The following COL24A1 variants were observed in gnomAD, a reference collection of about 807,000 sequenced individuals.
COL24A1 encodes collagen type XXIV alpha 1 chain.
In COL24A1, 224 loss-of-function variants were observed where a neutral mutation model predicts 253.9. The observed-to-expected ratio is 0.88, with a 90% CI of 0.79 to 0.99. COL24A1 has a LOEUF of 0.99. Among genes scored for constraint, COL24A1 ranks in the 50% least tolerant of loss-of-function variants. The pLI, the probability that COL24A1 is intolerant of heterozygous loss-of-function variation, is 0.00. For missense variants in COL24A1, 2,131 were observed against 2,068.5 expected (o/e 1.03, Z -0.59); for synonymous variants, 685 against 673.7 (o/e 1.02, Z -0.26).
chr1:86,095,891 A>C (rs1174135183), intron 5 of COL24A1, among the ~76,000 whole-genome samples: 1 of 152,102 alleles, frequency 6.6e-6, no homozygotes, highest in East Asian at 1.9e-4. Context: ...TAAGTCTTTT[A>C]GTCCATTATT....
intron 24 of COL24A1, among the ~76,000 whole-genome samples, chr1:85,951,952 T>G (rs996170058): frequency 2.0e-5 from 3 of 152,220 alleles, no homozygotes; most frequent in African/African-American, 7.2e-5. Flanking sequence ...TTTCAATCAA[T>G]TATTTTTCTT....
At chr1:85,783,366 C>T (rs1669333037) in intron 51 of COL24A1, 130 bp downstream of exon 51, 2 of 700,344 alleles carry the variant, frequency 2.9e-6, no homozygotes, top group Middle Eastern at 2.6e-4. Context: ...TGCATGTGCC[C>T]TTATGAGTTT....
At chr1:85,790,041 G>C (rs1040701520) in intron 47 of COL24A1, among the ~76,000 whole-genome samples, 1 of 152,104 alleles carries the variant, frequency 6.6e-6, no homozygotes, top group African/African-American at 2.4e-5. Flanking sequence ...GCAGGTTTTG[G>C]TATCAGGATG....
rs1648227677 is a variant in COL24A1, at chr1:86,125,992, T to C, written c.344A>G (p.His115Arg). 6.2e-7 allele frequency: 1 copy of C among 1,613,508 alleles called. No homozygotes were observed. The highest frequency in any genetic ancestry group is 1.3e-5 in the African/African-American group (1 of 74,898). Residue 115 changes from histidine to arginine, a missense_variant, in exon 3 of 60, where the codon CAT (histidine) becomes CGT (arginine). By Grantham distance (29) the His-to-Arg change is conservative. Coordinates refer to ENST00000370571, the MANE Select transcript of COL24A1 (RefSeq NM_152890.7). ...GAAGAGAAATGCATTGTTCACCCGA[T>C]GTGACTGTAACCCAGTTAATATTGT... ...PFTILTGLQS[H>R]RVNNAFLFSI...
chr1:86,124,109 T>A lies in COL24A1; in HGVS notation c.1491+736A>T, dbSNP rs1405409761. Among the ~76,000 whole-genome samples the A allele has an allele frequency of 2.0e-5, 3 of 152,126 alleles. No individual in the cohort carries two copies. The East Asian group carries it at 5.8e-4, about 29-fold the overall frequency. On this transcript the variant is annotated intron_variant, in intron 3 of 59. Transcript: ENST00000370571. ...AGTGGTTTTTAAATGATTTTAGAAA[T>A]TTTTAAATGTTGATCTCTAATTCCC...
intron 24 of COL24A1, among the ~76,000 whole-genome samples, chr1:85,950,409 A>T (rs188575448): frequency 1.3e-5 from 2 of 152,238 alleles, no homozygotes; most frequent in South Asian, 4.1e-4. Context: ...TAAGAAAAAA[A>T]TACTGAGCTT....
At chr1:85,999,433 A>G (rs1369677574) in intron 19 of COL24A1, among the ~76,000 whole-genome samples, 1 of 152,042 alleles carries the variant, frequency 6.6e-6, no homozygotes, top group African/African-American at 2.4e-5. Flanking sequence ...CCTGGGTAAC[A>G]CAATGAAAAC....
At position 86,125,267 on chromosome 1, in the gene COL24A1, T is replaced by G; in HGVS notation, c.1069A>C (p.Ser357Arg). The change falls in exon 3 of 60, where the codon AGT (serine) becomes CGT (arginine). Residue 357 changes from serine to arginine, a missense_variant. Transcript: ENST00000370571. ...FSLSVTTHRI[S>R]EAKMNTKEKF... Reference sequence around the variant, plus strand: ...TCTTTGGTATTCATTTTTGCCTCACTGATGCGATGAGTGGTCACTGACAGG... The same window carrying G: ...TCTTTGGTATTCATTTTTGCCTCACGGATGCGATGAGTGGTCACTGACAGG... 6.2e-7 allele frequency: 1 copy of G among 1,613,686 alleles called. No individual in the cohort carries two copies. Among genetic ancestry groups the G allele is most frequent in the Non-Finnish European group, 8.5e-7 (1 of 1,179,800 alleles).
intron 12 of COL24A1, among the ~76,000 whole-genome samples, chr1:86,041,804 G>A (rs1699510013): frequency 6.6e-6 from 1 of 152,096 alleles, no homozygotes; most frequent in African/African-American, 2.4e-5. Context: ...GTTCTATGGT[G>A]TTTAAAGGCT....
intron 2 of COL24A1, among the ~76,000 whole-genome samples, chr1:86,142,705 A>G (rs1432068448): frequency 6.6e-6 from 1 of 152,118 alleles, no homozygotes; most frequent in Non-Finnish European, 1.5e-5. Flanking sequence ...AAGATTTAAT[A>G]TTTAAAAGAT....
At chr1:85,859,643 T>C (rs1298814102) in intron 37 of COL24A1, among the ~76,000 whole-genome samples, 3 of 152,220 alleles carry the variant, frequency 2.0e-5, no homozygotes. Flanking sequence ...GCTAGTAGGC[T>C]GGTTTATTTT....
chr1:86,087,496 T>C (rs2101945581), intron 7 of COL24A1, among the ~76,000 whole-genome samples: 1 of 152,284 alleles, frequency 6.6e-6, no homozygotes, highest in African/African-American at 2.4e-5. Flanking sequence ...TCATATACTC[T>C]TCTATACAAA....
rs200485136 is a variant in COL24A1, at chr1:86,033,940, G to A, written c.1951-17C>T. On this transcript the variant is annotated splice_polypyrimidine_tract_variant and intron_variant, in intron 12 of 59. Coordinates refer to ENST00000370571, the MANE Select transcript of COL24A1 (RefSeq NM_152890.7). The stretch of plus-strand genomic sequence containing the variant: ...TGGAAAACCCTGTCACAGGGAAAGA[G>A]GAAGAATGCCAACATATATAAATAA... 7.2e-5 allele frequency: 114 copies of A among 1,581,036 alleles called. 1 individual carries two copies. The highest frequency in any genetic ancestry group is 7.1e-4 in the East Asian group (31 of 43,432).
chr1:85,784,688 G>A (rs1178521362), intron 48 of COL24A1, among the ~76,000 whole-genome samples: 2 of 151,826 alleles, frequency 1.3e-5, no homozygotes, highest in East Asian at 3.9e-4. Context: ...TGGTATGTGT[G>A]GGTGTGTTTA....
At chr1:86,045,412 T>C (rs1338318676) in intron 12 of COL24A1, among the ~76,000 whole-genome samples, 3 of 152,046 alleles carry the variant, frequency 2.0e-5, no homozygotes, top group Non-Finnish European at 4.4e-5. Context: ...AGGAGAAGGG[T>C]GAAAATTTGA....
At chr1:86,111,615 A>T (rs1251315101) in intron 5 of COL24A1, among the ~76,000 whole-genome samples, 1 of 152,146 alleles carries the variant, frequency 6.6e-6, no homozygotes, top group East Asian at 1.9e-4. Flanking sequence ...CCGAGCCCAC[A>T]GGGGCAACTG....
At chr1:86,028,342 A>G (rs547292911) in intron 14 of COL24A1, among the ~76,000 whole-genome samples, 89 of 152,304 alleles carry the variant, frequency 5.8e-4, no homozygotes, top group African/African-American at 2.1e-3. Context: ...ATCTTGAATT[A>G]TAATTCCCAT....
chr1:85,923,210 C>T (rs1409358144), intron 24 of COL24A1, among the ~76,000 whole-genome samples: 2 of 152,122 alleles, frequency 1.3e-5, no homozygotes, highest in African/African-American at 2.4e-5. Flanking sequence ...GACTCCAACA[C>T]AATAATAATG....
chr1:85,738,247 A>C (rs1473546598), intron 57 of COL24A1, among the ~76,000 whole-genome samples: 1 of 152,218 alleles, frequency 6.6e-6, no homozygotes, highest in African/African-American at 2.4e-5. Context: ...TTTATAATAG[A>C]AACAACTTCC....
Sources: allele counts gnomAD v4.1 joint callset (sites outside exome capture counted in the v4.1 genomes callset), GRCh38; gene constraint gnomAD v4.1.1; transcripts MANE v1.5; gene names NCBI Gene and HGNC (gene_info 2026-07-23, HGNC 2026-07-21).